ST14: variants seen among roughly 807,000 people sequenced by gnomAD.
The protein encoded by ST14 is ST14 transmembrane serine protease matriptase, also known as suppressor of tumorigenicity 14 protein.
Under a neutral mutation model 96.5 loss-of-function variants are expected in ST14, and 40 were observed. The observed-to-expected ratio is 0.41, with a 90% CI of 0.32 to 0.54. The LOEUF (loss-of-function observed/expected upper bound fraction) is 0.54, where lower values mean the gene tolerates loss of function less well. Ranked by LOEUF, ST14 falls within the 20% of genes least tolerant of loss-of-function variation. ST14 has a pLI of 0.17. For synonymous variants in ST14, 506 were observed against 492.1 expected, an observed-to-expected ratio of 1.03 and a Z score of -0.37; for missense variants, 1,066 against 1,188.9, an observed-to-expected ratio of 0.90 and a Z score of 1.52.
Position 130,188,474 on chromosome 11 carries a change from G to T in ST14, c.242-56G>T. 6.2e-7 allele frequency: 1 copy of T among 1,610,700 alleles called. No individual in the cohort carries two copies. The stretch of plus-strand genomic sequence containing the variant: ...TTCATTCCCCATTGTGGACGGCGAG[G>T]GACAGGCGGGGGTGGTACCACCTCC... On this transcript the variant is annotated intron_variant, in intron 2 of 18. Coordinates refer to ENST00000278742, the MANE Select transcript of ST14 (RefSeq NM_021978.4). This position sits in a 1 kb window ranked among gnomAD's most constrained non-coding sequence, Gnocchi z 5.4.
chr11:130,160,511 C>T (rs1952991248), intron 1 of ST14, among the ~76,000 whole-genome samples: 2 of 152,126 alleles, frequency 1.3e-5, no homozygotes, highest in Non-Finnish European at 2.9e-5. Context: ...CGTCAAAAGG[C>T]GCTTTGGGAC....
intron 1 of ST14, among the ~76,000 whole-genome samples, chr11:130,177,529 C>G (rs1953151866): frequency 6.6e-6 from 1 of 152,140 alleles, no homozygotes; most frequent in Non-Finnish European, 1.5e-5. Flanking sequence ...CGCCATTGCA[C>G]TCCAGCCTGG....
intron 17 of ST14, 82 bp from the exon 18 acceptor site, chr11:130,209,360 T>G (rs1231196311): frequency 6.5e-7 from 1 of 1,533,566 alleles, no homozygotes; most frequent in Non-Finnish European, 8.8e-7. Context: ...AGTTTTCTAG[T>G]CCAATGACCC....
chr11:130,184,674 C>A (rs1182609690), intron 1 of ST14, among the ~76,000 whole-genome samples: 14 of 152,070 alleles, frequency 9.2e-5, no homozygotes, highest in Admixed American at 9.2e-4. Context: ...ACCTTGGCCC[C>A]AAGCAAAAAG....
intron 16 of ST14, among the ~76,000 whole-genome samples, chr11:130,203,271 C>T (rs545235081): frequency 6.6e-6 from 1 of 152,268 alleles, no homozygotes; most frequent in South Asian, 2.1e-4. Context: ...CCCTCTCCCC[C>T]GTCCCATGAG....
At chr11:130,201,460 C>G (rs1156791743) in intron 16 of ST14, among the ~76,000 whole-genome samples, 2 of 152,256 alleles carry the variant, frequency 1.3e-5, no homozygotes, top group Admixed American at 6.5e-5. Context: ...GCCTGAGGCA[C>G]AGATGGAGTG....
chr11:130,200,899 A>G (rs1348769880), intron 16 of ST14, among the ~76,000 whole-genome samples: 1 of 152,104 alleles, frequency 6.6e-6, no homozygotes, highest in African/African-American at 2.4e-5. Flanking sequence ...GCACTGTGCA[A>G]CTCCTCGGAT....
chr11:130,173,595 CAA>C (rs1372572280), intron 1 of ST14, among the ~76,000 whole-genome samples: 12 of 93,332 alleles, frequency 1.3e-4, no homozygotes, highest in Admixed American at 3.6e-4. Flanking sequence ...GACTCTGTCT[CAA>C]AAAAAAAAAA....
At chr11:130,198,747 G>GA in intron 14 of ST14, 126 bp downstream of exon 14, 1 of 1,356,024 alleles carries the variant, frequency 7.4e-7, no homozygotes, top group Non-Finnish European at 1.0e-6. Flanking sequence ...TAAGTGTGAT[G>GA]AGAAAGGGCT....
intron 16 of ST14, among the ~76,000 whole-genome samples, chr11:130,205,706 TTTTTG>T (rs1953479365): frequency 1.1e-5 from 1 of 91,398 alleles, no homozygotes. Flanking sequence ...GACGTTTTTT[TTTTTG>T]TTTTTTTTTT....
intron 16 of ST14, 36 bp from the exon 17 acceptor site, chr11:130,208,374 G>A (rs1277900888): frequency 1.2e-6 from 2 of 1,613,656 alleles, no homozygotes; most frequent in Admixed American, 1.7e-5. Context: ...ACAGACCCGA[G>A]TGACCGCGCA....
At chr11:130,192,251 G>A (rs375113659) in intron 7 of ST14, among the ~76,000 whole-genome samples, 4 of 152,308 alleles carry the variant, frequency 2.6e-5, no homozygotes, top group Non-Finnish European at 4.4e-5. Context: ...CCACAGCTTC[G>A]TAACCAGGAC....
intron 16 of ST14, 144 bp downstream of exon 16, chr11:130,200,281 C>T (rs1343156735): frequency 2.1e-6 from 2 of 932,552 alleles, no homozygotes; most frequent in East Asian, 5.3e-5. Context: ...TAAAGAAATA[C>T]CTGAGACTGG....
chr11:130,161,353 T>C (rs117730800), intron 1 of ST14, among the ~76,000 whole-genome samples: 1 of 152,346 alleles, frequency 6.6e-6, no homozygotes, highest in East Asian at 1.9e-4. Context: ...GCTAATTGCC[T>C]ACTTGGGGTT....
chr11:130,160,105 G>C (rs770708446), intron 1 of ST14, 45 bp downstream of exon 1: 2 of 1,313,296 alleles, frequency 1.5e-6, no homozygotes, highest in African/African-American at 1.5e-5. Flanking sequence ...GCTCCTGCCC[G>C]CCCGACCCTG....
rs149167437 is a variant in ST14 at position 130,182,567 on chromosome 11, G to A, written c.82-5547G>A. The stretch of plus-strand genomic sequence containing the variant: ...TAGCCGTGTTGGCCATGCTGGTCTC[G>A]AACTCCTGGGCTCAAGTGATCTGTC... On this transcript the variant is annotated intron_variant, in intron 1 of 18. Coordinates refer to ENST00000278742, the MANE Select transcript of ST14 (RefSeq NM_021978.4). 3.3e-3 allele frequency among the ~76,000 whole-genome samples: 504 copies of A among 152,140 alleles called. 2 individuals carry two copies. The highest frequency in any genetic ancestry group is 0.011 in the African/African-American group (462 of 41,498).
At position 130,196,623 on chromosome 11, in the gene ST14, C is replaced by T; in HGVS notation, c.1277C>T (p.Thr426Ile). The T allele has an allele frequency of 6.2e-7, 1 of 1,613,884 alleles. No individual in the cohort carries two copies. The highest frequency in any genetic ancestry group is 8.5e-7 in the Non-Finnish European group (1 of 1,179,950). The change falls in exon 11 of 19, where the codon ACA (threonine) becomes ATA (isoleucine). Residue 426 changes from threonine (T) to isoleucine (I), a missense_variant. Coordinates refer to ENST00000278742, the MANE Select transcript of ST14 (RefSeq NM_021978.4). ...FVVTSNSNKITVRFHSDQSYT... is the reference protein window; with the variant it reads ...FVVTSNSNKIIVRFHSDQSYT... The stretch of plus-strand genomic sequence containing the variant: ...GTCACCAGCAACAGCAACAAGATCA[C>T]AGTTCGCTTCCACTCAGATCAGTCC...
chr11:130,166,368 T>C (rs1953041280), intron 1 of ST14, among the ~76,000 whole-genome samples: 1 of 152,070 alleles, frequency 6.6e-6, no homozygotes, highest in African/African-American at 2.4e-5. Flanking sequence ...GAGCCCTGGG[T>C]GTTGGAGGAT....
At chr11:130,202,163 G>A (rs971278565) in intron 16 of ST14, among the ~76,000 whole-genome samples, 3 of 152,184 alleles carry the variant, frequency 2.0e-5, no homozygotes, top group African/African-American at 2.4e-5. Flanking sequence ...ACTAAGAACT[G>A]CCCTGCCATC....
Sources: allele counts gnomAD v4.1 joint callset (sites outside exome capture counted in the v4.1 genomes callset), GRCh38; gene constraint gnomAD v4.1.1; non-coding constraint Gnocchi (gnomAD v3.1); transcripts MANE v1.5; gene names NCBI Gene and HGNC (gene_info 2026-07-23, HGNC 2026-07-21).